ZNF385D: variants seen among roughly 807,000 people sequenced by gnomAD.
The protein encoded by ZNF385D is zinc finger protein 385D.
Under a neutral mutation model 35.8 loss-of-function variants are expected in ZNF385D, and 15 were observed. That is an observed-to-expected ratio of 0.42 (90% CI 0.28 to 0.64). ZNF385D has a LOEUF of 0.64. Ranked by LOEUF, ZNF385D falls within the 30% of genes least tolerant of loss-of-function variation. The pLI is 0.23. For missense variants in ZNF385D, 474 were observed against 494.6 expected (o/e 0.96, Z 0.39); for synonymous variants, 212 against 186.8 (o/e 1.13, Z -1.10).
At chr3:21,474,443 A>G (rs1704103822) in intron 4 of ZNF385D, among the ~76,000 whole-genome samples, 1 of 152,130 alleles carries the variant, frequency 6.6e-6, no homozygotes, top group Non-Finnish European at 1.5e-5. Flanking sequence ...ATCTCATTCT[A>G]TCCTTTCAGG....
intron 2 of ZNF385D, among the ~76,000 whole-genome samples, chr3:22,232,329 T>G (rs1301289584): frequency 6.6e-6 from 1 of 152,152 alleles, no homozygotes; most frequent in South Asian, 2.1e-4. Flanking sequence ...ACCTTTTTTT[T>G]TTTTCAAATT....
chr3:21,840,637 T>C (rs570136271), intron 3 of ZNF385D, among the ~76,000 whole-genome samples: 3 of 152,068 alleles, frequency 2.0e-5, no homozygotes, highest in African/African-American at 7.2e-5. Flanking sequence ...CTGGAAACCG[T>C]TGCTTCGGTA....
chr3:21,941,733 G>A (rs562816974), intron 3 of ZNF385D, among the ~76,000 whole-genome samples: 6 of 151,982 alleles, frequency 3.9e-5, no homozygotes, highest in South Asian at 4.2e-4. Context: ...TCCTGACCTC[G>A]TGATCCGCCC....
chr3:21,761,648 C>G (rs1048436925), intron 3 of ZNF385D, among the ~76,000 whole-genome samples: 4 of 152,080 alleles, frequency 2.6e-5, no homozygotes, highest in Non-Finnish European at 5.9e-5. Flanking sequence ...GAGGATAAGA[C>G]ACTTTGGAGG....
At chr3:21,732,592 G>C (rs1034172933) in intron 1 of ZNF385D, among the ~76,000 whole-genome samples, 2 of 152,180 alleles carry the variant, frequency 1.3e-5, no homozygotes, top group African/African-American at 4.8e-5. Context: ...TATGATAGCT[G>C]TGTAGTAATA....
chr3:22,279,417 G>C (rs893876825), intron 2 of ZNF385D, among the ~76,000 whole-genome samples: 9 of 150,896 alleles, frequency 6.0e-5, no homozygotes. Flanking sequence ...TTCCTTCCAG[G>C]TTACTGCAAA....
At chr3:21,428,924 C>A (rs1701147514) in intron 5 of ZNF385D, among the ~76,000 whole-genome samples, 1 of 74,796 alleles carries the variant, frequency 1.3e-5, no homozygotes, top group African/African-American at 4.8e-5. Context: ...CATAAGGCTC[C>A]AAGAAATCCT....
intron 3 of ZNF385D, among the ~76,000 whole-genome samples, chr3:21,795,498 G>C (rs2072109493): frequency 6.6e-6 from 1 of 152,184 alleles, no homozygotes; most frequent in South Asian, 2.1e-4. Context: ...CAGTGAGGGA[G>C]ACAATGTACT....
At chr3:21,919,806 T>A (rs996767765) in intron 3 of ZNF385D, among the ~76,000 whole-genome samples, 1 of 152,242 alleles carries the variant, frequency 6.6e-6, no homozygotes, top group African/African-American at 2.4e-5. Flanking sequence ...GCATCTTCCA[T>A]TTTGATATTA....
chr3:21,677,387 G>A (rs1363832950), intron 1 of ZNF385D, among the ~76,000 whole-genome samples: 1 of 151,944 alleles, frequency 6.6e-6, no homozygotes, highest in East Asian at 1.9e-4. Context: ...TTGGCATGAG[G>A]CACATATACA....
chr3:22,025,960 G>A (rs1256063440), intron 3 of ZNF385D, among the ~76,000 whole-genome samples: 6 of 151,754 alleles, frequency 4.0e-5, no homozygotes, highest in Non-Finnish European at 5.9e-5. Flanking sequence ...GGGGCCAAGT[G>A]GCAGCACCCA....
chr3:21,616,508 C>G (rs2064851437), intron 2 of ZNF385D, among the ~76,000 whole-genome samples: 1 of 152,154 alleles, frequency 6.6e-6, no homozygotes, highest in Non-Finnish European at 1.5e-5. Flanking sequence ...TGCTAAGTAA[C>G]TAGTCACAGC....
At position 21,684,442 on chromosome 3, in the gene ZNF385D, T is replaced by C. The variant is rs1444548504; in HGVS notation, c.23-19414A>G. 5.5e-5 allele frequency among the ~76,000 whole-genome samples: 7 copies of C among 127,964 alleles called. 1 individual carries two copies. Among genetic ancestry groups the C allele is most frequent in the African/African-American group, 1.7e-4 (6 of 36,204 alleles). 83.9% of individuals were successfully genotyped at this position (127,964 alleles called of 152,430 possible). On this transcript the variant is annotated intron_variant, in intron 1 of 7. Coordinates refer to ENST00000281523, the MANE Select transcript of ZNF385D (RefSeq NM_024697.3). ...CTCTCTCTCTCTCTCCTCTCTCTCT[T>C]TCTTTCTTTCGTAGCTTTACATTCT...
rs77124699 is a variant in ZNF385D at position 22,288,701 on chromosome 3, A to G, written c.106+83749T>C. Among the ~76,000 whole-genome samples the G allele has an allele frequency of 2.2e-3, 331 of 152,230 alleles. 3 individuals are homozygous for G. The highest frequency in any genetic ancestry group is 6.9e-3 in the African/African-American group (288 of 41,564). On this transcript the variant is annotated intron_variant, in intron 2 of 5. Coordinates refer to the ZNF385D transcript ENST00000494108. ...TTGAATTCTTTGTTGGGTAAATCAC[A>G]TATCTCCATATCCTTATTTTTAGCA... is the stretch of plus-strand genomic sequence containing the variant.
chr3:21,993,533 A>C (rs1695275161), intron 3 of ZNF385D, among the ~76,000 whole-genome samples: 1 of 152,218 alleles, frequency 6.6e-6, no homozygotes, highest in African/African-American at 2.4e-5. Flanking sequence ...GATTTTAATC[A>C]ATTTTTCACT....
chr3:22,342,456 T>A (rs993995610), intron 2 of ZNF385D, among the ~76,000 whole-genome samples: 1 of 152,072 alleles, frequency 6.6e-6, no homozygotes, highest in African/African-American at 2.4e-5. Context: ...CATCCAGGCT[T>A]TTCTCCCTGG....
At chr3:21,571,112 A>G (rs1169169486) in intron 2 of ZNF385D, among the ~76,000 whole-genome samples, 2 of 152,184 alleles carry the variant, frequency 1.3e-5, no homozygotes, top group African/African-American at 4.8e-5. Flanking sequence ...CACCATCCCA[A>G]TAAAGAGATG....
intron 2 of ZNF385D, among the ~76,000 whole-genome samples, chr3:21,593,129 TC>T (rs539427243): frequency 1.8e-3 from 272 of 152,296 alleles, no homozygotes; most frequent in African/African-American, 6.1e-3. Flanking sequence ...TGCTCATCTT[TC>T]TTTTCTGGTC....
chr3:22,284,666 G>C (rs1701936659), intron 2 of ZNF385D, among the ~76,000 whole-genome samples: 1 of 151,880 alleles, frequency 6.6e-6, no homozygotes, highest in Non-Finnish European at 1.5e-5. Context: ...GTAAAATAAA[G>C]GAAAAGCAAC....
Sources: allele counts gnomAD v4.1 joint callset (sites outside exome capture counted in the v4.1 genomes callset), GRCh38; gene constraint gnomAD v4.1.1; transcripts MANE v1.5; gene names NCBI Gene and HGNC (gene_info 2026-07-23, HGNC 2026-07-21).